INPP1: variants seen among roughly 807,000 people sequenced by gnomAD.
INPP1 encodes inositol polyphosphate 1-phosphatase.
In INPP1, 18 loss-of-function variants were observed where a neutral mutation model predicts 23.0. The observed-to-expected ratio is 0.78, with a 90% CI of 0.54 to 1.16. The LOEUF is 1.16. Among genes scored for constraint, INPP1 ranks in the 50% most tolerant of loss-of-function variants. The pLI is 0.00. For missense variants in INPP1, 448 were observed against 482.1 expected, an observed-to-expected ratio of 0.93 and a Z score of 0.66; for synonymous variants, 164 against 176.3, an observed-to-expected ratio of 0.93 and a Z score of 0.55.
chr2:190,344,833 A>G (rs1473029060), intron 1 of INPP1, among the ~76,000 whole-genome samples: 1 of 152,236 alleles, frequency 6.6e-6, no homozygotes, highest in Admixed American at 6.5e-5. Context: ...ACAGTGGGTT[A>G]AAAGTATGGA....
chr2:190,369,174 C>T lies in INPP1; in HGVS notation c.538C>T (p.Gln180Ter), dbSNP rs764280063. The T allele has an allele frequency of 6.2e-7, 1 of 1,609,090 alleles. No individual in the cohort carries two copies. The highest frequency in any genetic ancestry group is 8.5e-7 in the Non-Finnish European group (1 of 1,175,850). ...SNQGIFPCGLQCVTILIGVYD... is the reference protein window; with the variant it reads ...SNQGIFPCGL Reference sequence around the variant, plus strand: ...CCAGGGAATCTTCCCCTGTGGACTTCAGTGTGTCACCATTTTAATTGGTGT... The same window carrying T: ...CCAGGGAATCTTCCCCTGTGGACTTTAGTGTGTCACCATTTTAATTGGTGT... Residue 180 changes from glutamine to a stop codon, truncating the protein, a stop_gained, in exon 6 of 7, where the codon CAG (glutamine) becomes TAG (stop). Transcript: ENST00000392329. LOFTEE classifies it high-confidence loss of function.
At position 190,360,254 on chromosome 2, in the gene INPP1, C is replaced by T. The variant is rs778908677; in HGVS notation, c.152C>T (p.Thr51Met). ...AAGAAGTTTGCAGTTGACTTCAAGA[C>T]GCTGGCTGATGTACTGGTACAGGAA... ...KNKKFAVDFK[T>M]LADVLVQEVI... The change falls in exon 3 of 7, where the codon ACG (threonine) becomes ATG (methionine). Residue 51 changes from threonine (T) to methionine (M), a missense_variant. Coordinates refer to ENST00000392329, the MANE Select transcript of INPP1 (RefSeq NM_001128928.2). 6.8e-6 allele frequency: 11 copies of T among 1,614,174 alleles called. No homozygotes were observed. Among genetic ancestry groups the T allele is most frequent in the South Asian group, 1.1e-5 (1 of 91,082 alleles).
chr2:190,361,805 A>C (rs1689539706), intron 3 of INPP1, among the ~76,000 whole-genome samples: 1 of 152,226 alleles, frequency 6.6e-6, no homozygotes, highest in Non-Finnish European at 1.5e-5. Flanking sequence ...TGTCCCACAA[A>C]ATAATATGAA....
rs773675666 is a variant in INPP1 at position 190,366,678 on chromosome 2, G to T, written c.266-17G>T. ...AACTCTTGAAATGTAATGGCTTATC[G>T]TGTGGCTTTACCCTAGGGGAAAAGA... On this transcript the variant is annotated splice_polypyrimidine_tract_variant and intron_variant, in intron 4 of 6. Transcript: ENST00000392329. 1 of 1,570,496 alleles carries T rather than the reference G, an allele frequency of 6.4e-7. No individual in the cohort carries two copies.
intron 1 of INPP1, 101 bp downstream of exon 1, chr2:190,344,062 C>T: frequency 3.1e-6 from 1 of 324,258 alleles, no homozygotes. Context: ...CGCGCGCCGT[C>T]GCCTCTCCGC....
At position 190,355,847 on chromosome 2, in the gene INPP1, G is replaced by T. The variant is rs115530436; in HGVS notation, c.-64-4192G>T. On this transcript the variant is annotated intron_variant, in intron 2 of 6. Transcript: ENST00000392329. This position sits in a 1 kb window ranked among gnomAD's most constrained non-coding sequence, Gnocchi z 5.1. ...AGCCTAGTACCCATTAGTGATGAAA[G>T]AATCTGTACAACAAACCCCATGACA... Among the ~76,000 whole-genome samples, 1,008 of 152,212 alleles carry T rather than the reference G, an allele frequency of 6.6e-3. 13 individuals are homozygous for T. The highest frequency in any genetic ancestry group is 0.022 in the African/African-American group (914 of 41,520).
chr2:190,350,687 T>C (rs1164883899), intron 2 of INPP1, among the ~76,000 whole-genome samples: 1 of 152,172 alleles, frequency 6.6e-6, no homozygotes, highest in Non-Finnish European at 1.5e-5. Context: ...TCATCATCAT[T>C]TGAGATGGAA....
chr2:190,352,183 G>A lies in INPP1; in HGVS notation c.-65+3152G>A, dbSNP rs1689336224. On this transcript the variant is annotated intron_variant, in intron 2 of 6. Transcript: ENST00000392329. This position sits in a 1 kb window ranked among gnomAD's most constrained non-coding sequence, Gnocchi z 4.7. ...GAGCATTAGGTCGAGAAAGCAGGAA[G>A]AAGGGCGTGTCAACCAGAGGGAGCA... is the stretch of plus-strand genomic sequence containing the variant. Among the ~76,000 whole-genome samples, 1 of 152,216 alleles carries A rather than the reference G, an allele frequency of 6.6e-6. No homozygotes were observed. The highest frequency in any genetic ancestry group is 1.5e-5 in the Non-Finnish European group (1 of 68,052).
rs913212215 is a variant in INPP1 at position 190,363,472 on chromosome 2, A to G, written c.265+785A>G. ...TGGTCTCAAACTCCTGACCTCAGGTAATCTGATTTCTTTCAGAGAAACAAT... is the reference window on the plus strand; with the variant it reads ...TGGTCTCAAACTCCTGACCTCAGGTGATCTGATTTCTTTCAGAGAAACAAT... On this transcript the variant is annotated intron_variant, in intron 4 of 6. Transcript: ENST00000392329. The surrounding 1 kb of genome is among the most constrained non-coding windows in gnomAD (Gnocchi z 4.4). Among the ~76,000 whole-genome samples, 3 of 152,100 alleles carry G rather than the reference A, an allele frequency of 2.0e-5. No individual in the cohort carries two copies. Among genetic ancestry groups the G allele is most frequent in the Admixed American group, 6.6e-5 (1 of 15,264 alleles).
In INPP1 at chr2:190,355,537, G is replaced by A. The variant is rs973130793; in HGVS notation, c.-64-4502G>A. ...CCTAGGGCTTGTCTCCAGAGATTCT[G>A]ATTCACTAAGCTGGGGTAGAGTCCA... On this transcript the variant is annotated intron_variant, in intron 2 of 6. Coordinates refer to ENST00000392329, the MANE Select transcript of INPP1 (RefSeq NM_001128928.2). The surrounding 1 kb of genome is among the most constrained non-coding windows in gnomAD (Gnocchi z 5.1). Among the ~76,000 whole-genome samples the A allele has an allele frequency of 2.6e-5, 4 of 152,206 alleles. No homozygotes were observed. The highest frequency in any genetic ancestry group is 9.7e-5 in the African/African-American group (4 of 41,446).
intron 1 of INPP1, among the ~76,000 whole-genome samples, chr2:190,347,547 G>T (rs1439734833): frequency 1.3e-5 from 2 of 151,906 alleles, no homozygotes; most frequent in East Asian, 1.9e-4. Context: ...GGGGGGGATG[G>T]AGAGTGTGTG....
chr2:190,362,555 T>C lies in INPP1; in HGVS notation c.205-72T>C, dbSNP rs985852356. The C allele has an allele frequency of 2.7e-5, 23 of 854,438 alleles. No homozygotes were observed. The South Asian group carries it at 3.2e-4, about 12-fold the overall frequency. 52.9% of individuals were successfully genotyped at this position (854,438 alleles called of 1,614,324 possible). A position where few individuals can be genotyped will look rare whatever the true frequency, so the allele number is the denominator to read the frequency against. ...GTGCTATTTAATTTGAAATATAAAA[T>C]TGAAATCTGTTCAGAATTGAGCATA... On this transcript the variant is annotated intron_variant, in intron 3 of 6. Transcript: ENST00000392329.
In INPP1 at chr2:190,356,444, A is replaced by C. The variant is rs1430241310; in HGVS notation, c.-64-3595A>C. 6.6e-6 allele frequency: 1 copy of C among 152,246 alleles called. No individual in the cohort carries two copies. The highest frequency in any genetic ancestry group is 1.5e-5 in the Non-Finnish European group (1 of 68,064). 9.4% of individuals were successfully genotyped at this position (152,246 alleles called of 1,614,324 possible). A position where few individuals can be genotyped will look rare whatever the true frequency, so the allele number is the denominator to read the frequency against. On this transcript the variant is annotated intron_variant, in intron 2 of 6. Coordinates refer to ENST00000392329, the MANE Select transcript of INPP1 (RefSeq NM_001128928.2). The surrounding 1 kb of genome is among the most constrained non-coding windows in gnomAD (Gnocchi z 6.4). ...GGTCAAGTTGCTGTGCTCGCTAAGC[A>C]GCAACTGCTCAGGTCAGGTGAGAGT...
At position 190,363,016 on chromosome 2, in the gene INPP1, C is replaced by T. The variant is rs1689564802; in HGVS notation, c.265+329C>T. On this transcript the variant is annotated intron_variant, in intron 4 of 6. Coordinates refer to ENST00000392329, the MANE Select transcript of INPP1 (RefSeq NM_001128928.2). This position sits in a 1 kb window ranked among gnomAD's most constrained non-coding sequence, Gnocchi z 4.4. ...AAGTTATTAATGCCCCAAAGATGCC[C>T]ATCTACAAAATTATGCAGACAATTT... 1.1e-5 allele frequency: 2 copies of T among 183,340 alleles called. No individual in the cohort carries two copies. Among genetic ancestry groups the T allele is most frequent in the South Asian group, 1.6e-4 (1 of 6,184 alleles). 11.4% of individuals were successfully genotyped at this position (183,340 alleles called of 1,614,324 possible).
rs147862909 is a variant in INPP1 at position 190,354,318 on chromosome 2, T to C, written c.-65+5287T>C. Among the ~76,000 whole-genome samples, 54 of 152,306 alleles carry C rather than the reference T, an allele frequency of 3.5e-4. No homozygotes were observed. The highest frequency in any genetic ancestry group is 1.3e-3 in the African/African-American group (53 of 41,560). ...GGAATAGATTGTGTCAGCTAATAGATTGGGTCGCTAAGGTAACCACGGCCT... is the reference window on the plus strand; with the variant it reads ...GGAATAGATTGTGTCAGCTAATAGACTGGGTCGCTAAGGTAACCACGGCCT... On this transcript the variant is annotated intron_variant, in intron 2 of 6. Transcript: ENST00000392329. This position sits in a 1 kb window ranked among gnomAD's most constrained non-coding sequence, Gnocchi z 4.8.
In INPP1 at chr2:190,362,703, T is replaced by C. The variant is rs1158756467; in HGVS notation, c.265+16T>C. 2 of 1,490,062 alleles carry C rather than the reference T, an allele frequency of 1.3e-6. 1 individual carries two copies. Among genetic ancestry groups the C allele is most frequent in the African/African-American group, 2.8e-5 (2 of 71,770 alleles). The allele number at this position is 1,490,062 out of a possible 1,614,324, so 92.3% of individuals were successfully genotyped here. On this transcript the variant is annotated intron_variant, in intron 4 of 6. Coordinates refer to ENST00000392329, the MANE Select transcript of INPP1 (RefSeq NM_001128928.2). ...AATGACTGGGGTAAGTATAAGAATC[T>C]TAATGTGTCTTTGTAATTTAATTAT...
chr2:190,369,028 A>G (rs111525525), intron 5 of INPP1, 75 bp from the exon 6 acceptor site: 10 of 834,936 alleles, frequency 1.2e-5, no homozygotes, highest in African/African-American at 8.6e-5. Context: ...AATCAGTAGA[A>G]GAGAGAAGTC....
intron 2 of INPP1, among the ~76,000 whole-genome samples, chr2:190,358,224 G>A (rs185451704): frequency 2.6e-4 from 40 of 152,028 alleles, no homozygotes; most frequent in African/African-American, 8.9e-4. Context: ...GACTACAGGC[G>A]TGGAGCACCA....
Position 190,366,832 on chromosome 2 carries a change from A to C in INPP1, c.403A>C (p.Thr135Pro), listed in dbSNP as rs778168268. 4 of 1,613,884 alleles carry C rather than the reference A, an allele frequency of 2.5e-6. No homozygotes were observed. The South Asian group carries it at 3.3e-5, about 13-fold the overall frequency. ...VHQDVAFTDPTLDSTEINVPQ... is the reference protein window; with the variant it reads ...VHQDVAFTDPPLDSTEINVPQ... ...TCAGGATGTTGCCTTTACTGACCCA[A>C]CTCTGGATTCCACAGAGATCAATGT... The change falls in exon 5 of 7, where the codon ACT becomes CCT. Residue 135 changes from threonine (T) to proline (P), a missense_variant. Transcript: ENST00000392329.
Sources: gnomAD v4.1 joint callset for allele counts (sites outside exome capture counted in the v4.1 genomes callset) on GRCh38, gnomAD v4.1.1 for gene constraint, Gnocchi (gnomAD v3.1) non-coding constraint, MANE v1.5 for transcripts, NCBI Gene and HGNC (gene_info 2026-07-23, HGNC 2026-07-21) for gene names.